Variants in TIAM1 observed in about 807,000 individuals in gnomAD.
TIAM1 encodes rho guanine nucleotide exchange factor TIAM1.
TIAM1 carries 65 observed loss-of-function variants against 163.5 expected under a neutral mutation model. The ratio of observed to expected loss-of-function variants is 0.40; its 90% confidence interval spans 0.33 to 0.49. TIAM1 has a LOEUF of 0.49. Among genes scored for constraint, TIAM1 ranks in the 20% least tolerant of loss-of-function variants. TIAM1 has a pLI of 0.77. For synonymous variants in TIAM1, 833 were observed against 810.1 expected, an observed-to-expected ratio of 1.03 and a Z score of -0.48; for missense variants, 1,789 against 2,044.7, an observed-to-expected ratio of 0.87 and a Z score of 2.41.
intron 2 of TIAM1, among the ~76,000 whole-genome samples, chr21:31,377,200 TTTA>T (rs1183507180): frequency 5.4e-4 from 72 of 132,360 alleles, no homozygotes; most frequent in African/African-American, 1.7e-3. Flanking sequence ...TTTTTTTTTT[TTTA>T]AGATAGATTT....
Position 31,516,581 on chromosome 21 carries a change from C to A in TIAM1, c.-422+42346G>T, listed in dbSNP as rs75978554. On this transcript the variant is annotated intron_variant, in intron 1 of 28. Coordinates refer to the TIAM1 transcript ENST00000286827. ...AATTAACCCACAGTATTTGGTATAA[C>A]GTCCTCTTGCCTCATTAGAGCCACT... Among the ~76,000 whole-genome samples, 516 of 151,448 alleles carry A rather than the reference C, an allele frequency of 3.4e-3. 3 individuals are homozygous for A. Among genetic ancestry groups the A allele is most frequent in the African/African-American group, 0.012 (498 of 41,290 alleles).
chr21:31,186,076 G>C (rs1195458146), intron 14 of TIAM1, among the ~76,000 whole-genome samples: 3 of 152,212 alleles, frequency 2.0e-5, no homozygotes, highest in African/African-American at 7.2e-5. Flanking sequence ...TTAGCACTGT[G>C]AGCAAATCAT....
At chr21:31,214,056 G>C (rs1040587602) in intron 9 of TIAM1, among the ~76,000 whole-genome samples, 1 of 151,848 alleles carries the variant, frequency 6.6e-6, no homozygotes, top group African/African-American at 2.4e-5. Flanking sequence ...TAGGCGTGGT[G>C]GCTCATATCT....
At chr21:31,174,436 T>C (rs1473936529) in intron 15 of TIAM1, among the ~76,000 whole-genome samples, 1 of 152,162 alleles carries the variant, frequency 6.6e-6, no homozygotes, top group African/African-American at 2.4e-5. Context: ...AAGCTTCCAC[T>C]TGGCATCAGA....
At chr21:31,187,138 T>A (rs752162435) in intron 13 of TIAM1, 51 bp from the exon 14 acceptor site, 13 of 1,560,528 alleles carry the variant, frequency 8.3e-6, no homozygotes, top group South Asian at 1.1e-5. Flanking sequence ...TCTGAATGTT[T>A]AGCAAACAAC....
At chr21:31,145,346 CA>C (rs1225577508) in intron 20 of TIAM1, among the ~76,000 whole-genome samples, 1 of 152,152 alleles carries the variant, frequency 6.6e-6, no homozygotes, top group Admixed American at 6.5e-5. Context: ...TCTTTGGCAG[CA>C]AACATAAACA....
intron 1 of TIAM1, among the ~76,000 whole-genome samples, chr21:31,543,016 A>C (rs545113380): frequency 1.3e-5 from 2 of 152,256 alleles, no homozygotes; most frequent in Non-Finnish European, 2.9e-5. Flanking sequence ...AGAAGGGCTC[A>C]CCTTGGAATC....
chr21:31,474,006 T>G (rs1435995497), intron 1 of TIAM1, among the ~76,000 whole-genome samples: 1 of 152,094 alleles, frequency 6.6e-6, no homozygotes, highest in Non-Finnish European at 1.5e-5. Context: ...TCAAGAAGCT[T>G]CCACTCATGG....
At chr21:31,398,158 CA>C (rs34895602) in intron 2 of TIAM1, among the ~76,000 whole-genome samples, 7,148 of 52,542 alleles carry the variant, frequency 0.14, 48 homozygotes, top group African/African-American at 0.25. Flanking sequence ...ATCTTCAGGG[CA>C]AAAAAAAAAA....
chr21:31,271,803 G>A (rs1351540262), intron 3 of TIAM1, among the ~76,000 whole-genome samples: 2 of 152,164 alleles, frequency 1.3e-5, no homozygotes, highest in Non-Finnish European at 2.9e-5. Context: ...GTGGTATGGG[G>A]TCAAAGCATC....
chr21:31,434,845 G>T (rs2044157876), intron 2 of TIAM1, among the ~76,000 whole-genome samples: 1 of 152,178 alleles, frequency 6.6e-6, no homozygotes, highest in African/African-American at 2.4e-5. Context: ...TCTCTGTAAT[G>T]TCCCACGGAG....
chr21:31,555,713 A>G (rs1020529677), intron 1 of TIAM1, among the ~76,000 whole-genome samples: 67 of 152,280 alleles, frequency 4.4e-4, no homozygotes, highest in African/African-American at 1.5e-3. Flanking sequence ...CATTTGGAAA[A>G]ACCAGAGGCT....
At chr21:31,303,594 T>TA (rs35777389) in intron 2 of TIAM1, among the ~76,000 whole-genome samples, 93,201 of 151,860 alleles carry the variant, frequency 0.61, 29,644 homozygotes, top group African/African-American at 0.78. Context: ...TTGTCTTCAT[T>TA]TAATTAGCAT....
intron 2 of TIAM1, among the ~76,000 whole-genome samples, chr21:31,389,264 G>A (rs999347993): frequency 6.6e-6 from 1 of 151,888 alleles, no homozygotes; most frequent in African/African-American, 2.4e-5. Context: ...CACCCAGGCT[G>A]GAGTGCAGTG....
chr21:31,414,616 A>T (rs920153737), intron 2 of TIAM1, among the ~76,000 whole-genome samples: 1 of 152,204 alleles, frequency 6.6e-6, no homozygotes, highest in Non-Finnish European at 1.5e-5. Flanking sequence ...GAACTAAAAT[A>T]TTAAAGAGTG....
intron 20 of TIAM1, among the ~76,000 whole-genome samples, chr21:31,144,024 G>A (rs1042205839): frequency 1.3e-5 from 2 of 152,072 alleles, no homozygotes; most frequent in African/African-American, 2.4e-5. Flanking sequence ...GTGAGCCACC[G>A]CACCCAGCCC....
At chr21:31,314,513 C>T (rs561832630) in intron 2 of TIAM1, among the ~76,000 whole-genome samples, 501 of 152,252 alleles carry the variant, frequency 3.3e-3, no homozygotes, top group African/African-American at 0.011. Flanking sequence ...AAACAAGCTG[C>T]ACATACATCA....
At chr21:31,391,982 C>T (rs2076972698) in intron 2 of TIAM1, among the ~76,000 whole-genome samples, 1 of 152,170 alleles carries the variant, frequency 6.6e-6, no homozygotes, top group Non-Finnish European at 1.5e-5. Context: ...GTACTTAATA[C>T]ATTACATGAG....
chr21:31,170,124 A>C (rs1359823152), intron 15 of TIAM1, among the ~76,000 whole-genome samples: 1 of 152,232 alleles, frequency 6.6e-6, no homozygotes, highest in African/African-American at 2.4e-5. Context: ...TTATAGAAAA[A>C]AACAGTGCAA....
Sources: gnomAD v4.1 joint callset for allele counts (sites outside exome capture counted in the v4.1 genomes callset) on GRCh38, gnomAD v4.1.1 for gene constraint, MANE v1.5 for transcripts, NCBI Gene and HGNC (gene_info 2026-07-23, HGNC 2026-07-21) for gene names.